SLIT3: variants seen among roughly 807,000 people sequenced by gnomAD.
SLIT3 encodes slit homolog 3 protein.
A neutral mutation model predicts 184.0 loss-of-function variants in SLIT3; 68 were observed. The observed-to-expected ratio is 0.37, with a 90% CI of 0.30 to 0.45. The LOEUF (loss-of-function observed/expected upper bound fraction) is 0.45. SLIT3 is among the 20% of genes least tolerant of loss of function. SLIT3 has a pLI of 1.00. For missense variants in SLIT3, 1,707 were observed against 2,026.0 expected (o/e 0.84, Z 3.02); for synonymous variants, 831 against 828.6 (o/e 1.00, Z -0.05).
chr5:169,248,853 G>T (rs914591215), intron 2 of SLIT3, among the ~76,000 whole-genome samples: 1 of 152,074 alleles, frequency 6.6e-6, no homozygotes, highest in South Asian at 2.1e-4. Flanking sequence ...AATGTCCTGG[G>T]CAATTCTTCT....
At chr5:169,075,061 A>G (rs775326329) in intron 4 of SLIT3, among the ~76,000 whole-genome samples, 82 of 152,330 alleles carry the variant, frequency 5.4e-4, no homozygotes, top group Non-Finnish European at 1.1e-3. Context: ...CAGAAGGCCA[A>G]CTGTCAAGAA....
At chr5:169,279,236 C>T (rs747362280) in intron 1 of SLIT3, among the ~76,000 whole-genome samples, 7 of 152,148 alleles carry the variant, frequency 4.6e-5, no homozygotes, top group Non-Finnish European at 7.4e-5. Flanking sequence ...TAACCAAAAA[C>T]AAAGTGTGAG....
At position 168,740,973 on chromosome 5, in the gene SLIT3, G is replaced by A. The variant is rs771619357; in HGVS notation, c.2270+7329C>T. 3.9e-5 allele frequency among the ~76,000 whole-genome samples: 6 copies of A among 152,242 alleles called. No homozygotes were observed. The East Asian group carries it at 9.7e-4, about 24-fold the overall frequency. On this transcript the variant is annotated intron_variant, in intron 20 of 35. Coordinates refer to ENST00000519560, the MANE Select transcript of SLIT3 (RefSeq NM_003062.4). ...GCAGCCCCGTCCCATGGCACAGCCC[G>A]GTCCAAGGGAAGGGCAGGAAGCTCA...
intron 4 of SLIT3, among the ~76,000 whole-genome samples, chr5:169,132,516 C>G (rs923830213): frequency 1.3e-5 from 2 of 152,082 alleles, no homozygotes; most frequent in Non-Finnish European, 2.9e-5. Flanking sequence ...GCCTGGCACT[C>G]AAGGGAAAGG....
chr5:168,673,408 G>A (rs533647412), intron 32 of SLIT3, 77 bp from the exon 33 acceptor site: 24 of 1,278,834 alleles, frequency 1.9e-5, no homozygotes, highest in Non-Finnish European at 2.6e-5. Context: ...CTGTGGACTT[G>A]ACCTGCATTG....
chr5:168,962,552 A>G (rs953322492), intron 4 of SLIT3, among the ~76,000 whole-genome samples: 2 of 151,814 alleles, frequency 1.3e-5, no homozygotes, highest in Non-Finnish European at 2.9e-5. Context: ...AAGTAGAAGA[A>G]AGAAAAGAAA....
At position 168,680,994 on chromosome 5, in the gene SLIT3, A is replaced by G. The variant is rs561441662; in HGVS notation, c.3686+2972T>C. ...GATGAAACCCTGTCTCTTCCAGAAA[A>G]AAACAAAAATTAGACGTTGTGATGC... On this transcript the variant is annotated intron_variant, in intron 32 of 35. Coordinates refer to ENST00000519560, the MANE Select transcript of SLIT3 (RefSeq NM_003062.4). Among the ~76,000 whole-genome samples, 5 of 152,282 alleles carry G rather than the reference A, an allele frequency of 3.3e-5. No homozygotes were observed. The South Asian group carries it at 6.2e-4, about 19-fold the overall frequency.
intron 1 of SLIT3, among the ~76,000 whole-genome samples, chr5:169,296,293 C>T (rs764723438): frequency 3.3e-5 from 5 of 152,160 alleles, no homozygotes; most frequent in Admixed American, 2.0e-4. Context: ...ACTAGGGAGG[C>T]GGATACTTAC....
chr5:168,693,233 A>C (rs1375896237), intron 28 of SLIT3, among the ~76,000 whole-genome samples: 4 of 152,214 alleles, frequency 2.6e-5, no homozygotes, highest in Admixed American at 2.0e-4. Flanking sequence ...TGGAAGCACA[A>C]GGGGGACCCA....
At chr5:169,085,907 G>T (rs893336953) in intron 4 of SLIT3, among the ~76,000 whole-genome samples, 9 of 152,128 alleles carry the variant, frequency 5.9e-5, no homozygotes, top group Admixed American at 3.9e-4. Context: ...CAACGTTGGT[G>T]TCTTTGACCT....
At chr5:169,111,009 T>A (rs1393916233) in intron 4 of SLIT3, among the ~76,000 whole-genome samples, 1 of 152,194 alleles carries the variant, frequency 6.6e-6, no homozygotes, top group South Asian at 2.1e-4. Context: ...GCCTTTGCCC[T>A]CTCTGCAACG....
intron 20 of SLIT3, among the ~76,000 whole-genome samples, chr5:168,742,271 C>G (rs571749606): frequency 6.6e-6 from 1 of 150,510 alleles, no homozygotes; most frequent in South Asian, 2.1e-4. Flanking sequence ...CTCTTTCTAC[C>G]ACATTCTACC....
intron 4 of SLIT3, among the ~76,000 whole-genome samples, chr5:169,153,231 C>T (rs1443430103): frequency 6.6e-6 from 1 of 152,056 alleles, no homozygotes; most frequent in Non-Finnish European, 1.5e-5. Context: ...GAGGAATCCT[C>T]AGCCCCACCC....
In SLIT3 at chr5:169,019,211, A is replaced by T. The variant is rs143452595; in HGVS notation, c.414-135875T>A. Among the ~76,000 whole-genome samples the T allele has an allele frequency of 9.0e-4, 137 of 152,346 alleles. 2 individuals carry two copies. The highest frequency in any genetic ancestry group is 3.2e-3 in the African/African-American group (133 of 41,574). On this transcript the variant is annotated intron_variant, in intron 4 of 35. Coordinates refer to ENST00000519560, the MANE Select transcript of SLIT3 (RefSeq NM_003062.4). ...GCAGATCTCTCTTGCCAGTGCAAAC[A>T]CTGTCCCTTCTCAGACCTGGGGGTC...
At chr5:168,765,603 C>A (rs993936419) in intron 14 of SLIT3, among the ~76,000 whole-genome samples, 5 of 152,172 alleles carry the variant, frequency 3.3e-5, no homozygotes, top group Non-Finnish European at 7.3e-5. Flanking sequence ...CTCATAACTA[C>A]CCCAAAGTAT....
chr5:168,706,196 A>G (rs1477027443), intron 26 of SLIT3, among the ~76,000 whole-genome samples: 1 of 152,258 alleles, frequency 6.6e-6, no homozygotes, highest in African/African-American at 2.4e-5. Flanking sequence ...AGGCAGCAGT[A>G]TGCCAGCTTA....
At chr5:169,094,662 T>C (rs574790709) in intron 4 of SLIT3, among the ~76,000 whole-genome samples, 3 of 152,306 alleles carry the variant, frequency 2.0e-5, no homozygotes, top group African/African-American at 4.8e-5. Flanking sequence ...CCACTCACTA[T>C]GCCCCCTCCA....
At chr5:168,955,095 T>C (rs1162694562) in intron 4 of SLIT3, among the ~76,000 whole-genome samples, 1 of 7,326 alleles carries the variant, frequency 1.4e-4, no homozygotes. Flanking sequence ...TGTTGGGGGG[T>C]GGTGGGGGTG....
intron 27 of SLIT3, among the ~76,000 whole-genome samples, chr5:168,698,185 G>A (rs1762114844): frequency 6.6e-6 from 1 of 152,214 alleles, no homozygotes; most frequent in Non-Finnish European, 1.5e-5. Flanking sequence ...GGCTGGTGAT[G>A]CTGATGACTA....
Sources: allele counts gnomAD v4.1 joint callset (sites outside exome capture counted in the v4.1 genomes callset), GRCh38; gene constraint gnomAD v4.1.1; transcripts MANE v1.5; gene names NCBI Gene and HGNC (gene_info 2026-07-23, HGNC 2026-07-21).